The following CCDC57 variants were observed in gnomAD, a reference collection of about 807,000 sequenced individuals.
CCDC57 encodes coiled-coil domain containing 57.
Under a neutral mutation model 118.9 loss-of-function variants are expected in CCDC57, and 118 were observed. That is an observed-to-expected ratio of 0.99 (90% CI 0.86 to 1.16). The LOEUF (loss-of-function observed/expected upper bound fraction) is 1.16, where lower values mean the gene tolerates loss of function less well. Ranked by LOEUF, CCDC57 falls within the 50% of genes most tolerant of loss-of-function variation. CCDC57 has a pLI of 0.00. For missense variants in CCDC57, 1,300 were observed against 1,320.7 expected (o/e 0.98, Z 0.24); for synonymous variants, 527 against 532.9 (o/e 0.99, Z 0.15).
intron 14 of CCDC57, 21 bp downstream of exon 13, chr17:82,163,179 C>G: frequency 6.2e-7 from 1 of 1,611,354 alleles, no homozygotes; most frequent in South Asian, 1.1e-5. Flanking sequence ...GAGGATGACC[C>G]CACAAACTTG....
At chr17:82,210,330 T>C (rs1387363776) in intron 1 of CCDC57, among the ~76,000 whole-genome samples, 2 of 151,890 alleles carry the variant, frequency 1.3e-5, no homozygotes, top group Non-Finnish European at 2.9e-5. Context: ...AACAGTTATT[T>C]TGGGGAAACA....
chr17:82,195,500 G>A (rs539503088), intron 4 of CCDC57, 136 bp from the exon 4 acceptor site: 7 of 712,084 alleles, frequency 9.8e-6, no homozygotes, highest in South Asian at 6.4e-5. Flanking sequence ...CTGTCCAGGA[G>A]AGAAGCTGGG....
At position 82,179,645 on chromosome 17, in the gene CCDC57, G is replaced by A. The variant is rs12325962; in HGVS notation, c.1212-456C>T. 9.2e-3 allele frequency among the ~76,000 whole-genome samples: 1,406 copies of A among 152,158 alleles called. 39 individuals carry two copies. The highest frequency in any genetic ancestry group is 0.091 in the South Asian group (437 of 4,814). On this transcript the variant is annotated intron_variant, in intron 9 of 19. Transcript: ENST00000665763. The stretch of plus-strand genomic sequence containing the variant: ...CCACGGGGCGGGCGGGGATGGGAGA[G>A]CCCCCCGAGCGAGTGCAAAGGGACA...
At chr17:82,121,779 T>A (rs979366025) in intron 19 of CCDC57, among the ~76,000 whole-genome samples, 11 of 152,196 alleles carry the variant, frequency 7.2e-5, no homozygotes, top group African/African-American at 2.7e-4. Context: ...GCACTCAGGA[T>A]ATGGACCCCT....
At chr17:82,106,557 G>A (rs2034859611) in intron 19 of CCDC57, 1 of 152,320 alleles carries the variant, frequency 6.6e-6, no homozygotes, top group African/African-American at 2.4e-5. Context: ...TTTCAGAAGA[G>A]TAAACGCAGG....
intron 16 of CCDC57, among the ~76,000 whole-genome samples, chr17:82,137,809 G>A (rs1025306534): frequency 2.6e-5 from 4 of 151,468 alleles, no homozygotes; most frequent in African/African-American, 9.7e-5. Flanking sequence ...GGGTAGCTGG[G>A]ATTACAGGCA....
rs1422085186 is a variant in CCDC57, at chr17:82,212,608, G to T, written c.-211+177C>A. Among the ~76,000 whole-genome samples, 2 of 151,570 alleles carry T rather than the reference G, an allele frequency of 1.3e-5. No homozygotes were observed. Among genetic ancestry groups the T allele is most frequent in the African/African-American group, 4.8e-5 (2 of 41,310 alleles). On this transcript the variant is annotated intron_variant, in intron 1 of 19. Transcript: ENST00000665763. This position sits in a 1 kb window ranked among gnomAD's most constrained non-coding sequence, Gnocchi z 4.1. The stretch of plus-strand genomic sequence containing the variant: ...CGCCCCGCCCCGCCGCAGCCTCCGC[G>T]AGGGGATCCCCGGTCCGGGCCTGGC...
intron 13 of CCDC57, among the ~76,000 whole-genome samples, chr17:82,170,902 T>G (rs762685706): frequency 9.9e-5 from 15 of 152,246 alleles, no homozygotes; most frequent in Non-Finnish European, 1.9e-4. Context: ...TTGGCGCGCA[T>G]GCAGCACCAC....
intron 4 of CCDC57, among the ~76,000 whole-genome samples, chr17:82,197,125 T>C (rs2048406860): frequency 1.4e-5 from 2 of 139,102 alleles, no homozygotes; most frequent in African/African-American, 5.5e-5. Flanking sequence ...TCATGACTCC[T>C]GCACCTGCAG....
At chr17:82,116,057 A>C (rs959018490) in intron 19 of CCDC57, among the ~76,000 whole-genome samples, 7 of 149,276 alleles carry the variant, frequency 4.7e-5, no homozygotes, top group Non-Finnish European at 1.0e-4. Context: ...TCAGCCTCCC[A>C]AAGTGCTGGG....
intron 7 of CCDC57, among the ~76,000 whole-genome samples, chr17:82,188,636 A>G (rs2047276307): frequency 6.6e-6 from 1 of 152,264 alleles, no homozygotes; most frequent in South Asian, 2.1e-4. Flanking sequence ...CCTGCCCTCC[A>G]GAGCCCACAG....
intron 8 of CCDC57, 134 bp from the exon 8 acceptor site, chr17:82,184,066 C>T: frequency 1.7e-6 from 1 of 591,720 alleles, no homozygotes; most frequent in Non-Finnish European, 3.0e-6. Flanking sequence ...CACACACACA[C>T]ACACACACAC....
At chr17:82,200,507 G>A (rs1274535343) in intron 3 of CCDC57, among the ~76,000 whole-genome samples, 2 of 152,184 alleles carry the variant, frequency 1.3e-5, no homozygotes, top group African/African-American at 2.4e-5. Flanking sequence ...CTTATGGCCA[G>A]GCGCGGTAGC....
intron 15 of CCDC57, chr17:82,157,444 T>C (rs1474912737): frequency 7.3e-6 from 10 of 1,362,946 alleles, no homozygotes; most frequent in African/African-American, 7.3e-5. Context: ...CCACCTTCAG[T>C]GTGTGCGTTT....
At chr17:82,211,198 A>G (rs1472200639) in intron 1 of CCDC57, among the ~76,000 whole-genome samples, 1 of 152,132 alleles carries the variant, frequency 6.6e-6, no homozygotes, top group Non-Finnish European at 1.5e-5. Flanking sequence ...TGTGTCTCGT[A>G]AGACGCTGGG....
chr17:82,127,823 T>G (rs774494657), exon 19 of CCDC57: 1 of 1,612,544 alleles, frequency 6.2e-7, no homozygotes, highest in Non-Finnish European at 8.5e-7. Context: ...CTCCTCAGGG[T>G]GCTGGGGAGC....
chr17:82,127,787 G>A (rs2037690355), exon 19 of CCDC57: 2 of 1,613,148 alleles, frequency 1.2e-6, no homozygotes, highest in Non-Finnish European at 1.7e-6. Flanking sequence ...GGCAAAGGAG[G>A]AGGAGCTGTG....
chr17:82,147,604 G>A (rs1190082228), intron 16 of CCDC57, among the ~76,000 whole-genome samples: 63 of 137,352 alleles, frequency 4.6e-4, no homozygotes, highest in Non-Finnish European at 9.1e-4. Flanking sequence ...TGGGTGGATG[G>A]ATAGATGGAT....
chr17:82,106,866 G>A (rs1241180823), intron 19 of CCDC57, among the ~76,000 whole-genome samples: 1 of 152,174 alleles, frequency 6.6e-6, no homozygotes, highest in Admixed American at 6.5e-5. Context: ...TTCAAAAGGG[G>A]CCCATGGGGC....
Sources: allele counts gnomAD v4.1 joint callset (sites outside exome capture counted in the v4.1 genomes callset), GRCh38; gene constraint gnomAD v4.1.1; non-coding constraint Gnocchi (gnomAD v3.1); transcripts MANE v1.5; gene names NCBI Gene and HGNC (gene_info 2026-07-23, HGNC 2026-07-21).